TMEM132D: variants seen among roughly 807,000 people sequenced by gnomAD.
TMEM132D encodes mature OL transmembrane protein.
A neutral mutation model predicts 62.3 loss-of-function variants in TMEM132D; 21 were observed. That is an observed-to-expected ratio of 0.34 (90% CI 0.24 to 0.49). The LOEUF (loss-of-function observed/expected upper bound fraction) is 0.49, where lower values mean the gene tolerates loss of function less well. Ranked by LOEUF, TMEM132D falls within the 20% of genes least tolerant of loss-of-function variation. TMEM132D has a pLI of 0.99. For synonymous variants in TMEM132D, 621 were observed against 575.6 expected, an observed-to-expected ratio of 1.08 and a Z score of -1.13; for missense variants, 1,346 against 1,402.8, an observed-to-expected ratio of 0.96 and a Z score of 0.65.
intron 1 of TMEM132D, among the ~76,000 whole-genome samples, chr12:129,797,919 T>C (rs190298016): frequency 6.6e-6 from 1 of 152,332 alleles, no homozygotes; most frequent in Admixed American, 6.5e-5. Context: ...ATCCCAGTGT[T>C]GGAGGTGGGA....
chr12:129,877,004 A>G (rs1368866064), intron 1 of TMEM132D, among the ~76,000 whole-genome samples: 4 of 152,164 alleles, frequency 2.6e-5, no homozygotes, highest in Admixed American at 6.5e-5. Context: ...GCGTGGGAAT[A>G]GATGCAGAGC....
At chr12:129,660,601 A>G (rs1880211392) in intron 2 of TMEM132D, among the ~76,000 whole-genome samples, 1 of 152,188 alleles carries the variant, frequency 6.6e-6, no homozygotes, top group African/African-American at 2.4e-5. Flanking sequence ...AAATGTGTCC[A>G]GGATGGCAGG....
intron 5 of TMEM132D, among the ~76,000 whole-genome samples, chr12:129,152,400 G>A (rs959515557): frequency 2.0e-5 from 3 of 152,142 alleles, no homozygotes; most frequent in African/African-American, 7.2e-5. Context: ...GTCAGGGGAG[G>A]GAAGACAGGA....
chr12:129,244,965 A>C (rs1880055385), intron 4 of TMEM132D, among the ~76,000 whole-genome samples: 1 of 152,142 alleles, frequency 6.6e-6, no homozygotes, highest in South Asian at 2.1e-4. Context: ...GAGGACATTA[A>C]AGCTCACAGA....
chr12:129,795,601 C>A (rs943777221), intron 1 of TMEM132D, among the ~76,000 whole-genome samples: 13 of 152,268 alleles, frequency 8.5e-5, no homozygotes, highest in African/African-American at 2.9e-4. Context: ...ACATATAATG[C>A]CAGCTGCTGG....
intron 4 of TMEM132D, among the ~76,000 whole-genome samples, chr12:129,329,040 A>G (rs941777419): frequency 6.7e-6 from 1 of 149,120 alleles, no homozygotes; most frequent in African/African-American, 2.4e-5. Flanking sequence ...AAGAATATAT[A>G]TATATATAAA....
chr12:129,881,134 G>T (rs1030319587), intron 1 of TMEM132D, among the ~76,000 whole-genome samples: 1 of 151,836 alleles, frequency 6.6e-6, no homozygotes, highest in African/African-American at 2.4e-5. Flanking sequence ...ATTTATAAAG[G>T]AGTTGATACA....
intron 2 of TMEM132D, among the ~76,000 whole-genome samples, chr12:129,691,952 A>T (rs909016140): frequency 6.6e-6 from 1 of 152,080 alleles, no homozygotes; most frequent in African/African-American, 2.4e-5. Context: ...ATTAAAGAAG[A>T]GTAAATTATT....
intron 2 of TMEM132D, among the ~76,000 whole-genome samples, chr12:129,626,241 A>G (rs1879210101): frequency 6.6e-6 from 1 of 152,212 alleles, no homozygotes; most frequent in Non-Finnish European, 1.5e-5. Context: ...ACTATTCTCC[A>G]AACTTATTTA....
At chr12:129,095,692 C>A (rs1023773210) in intron 5 of TMEM132D, among the ~76,000 whole-genome samples, 1 of 151,978 alleles carries the variant, frequency 6.6e-6, no homozygotes, top group Non-Finnish European at 1.5e-5. Context: ...CATCAGGGCA[C>A]ACAGGGTAGA....
intron 1 of TMEM132D, among the ~76,000 whole-genome samples, chr12:129,805,569 G>A (rs1204170962): frequency 1.3e-5 from 2 of 152,016 alleles, no homozygotes; most frequent in Non-Finnish European, 2.9e-5. Context: ...TTACATGTTA[G>A]ACCTAAAACC....
chr12:129,414,481 T>C (rs1395148900), intron 3 of TMEM132D, among the ~76,000 whole-genome samples: 1 of 152,182 alleles, frequency 6.6e-6, no homozygotes, highest in Non-Finnish European at 1.5e-5. Flanking sequence ...AAAAATTGTA[T>C]ATATTTGGGT....
Position 129,766,030 on chromosome 12 carries a change from GAGGCAGA to G in TMEM132D, c.80-65339_80-65333del, listed in dbSNP as rs1870542440. ...TGGACTTGTTCTGGACAATGAGGCG[GAGGCAGA>G]AGTGCCCTGTGTGATTCTGGGTGGA... On this transcript the variant is annotated intron_variant, in intron 1 of 8. Coordinates refer to ENST00000422113, the MANE Select transcript of TMEM132D (RefSeq NM_133448.3). Among the ~76,000 whole-genome samples the G allele has an allele frequency of 2.0e-5, 3 of 152,160 alleles. No homozygotes were observed. In the East Asian group the frequency reaches 5.8e-4, roughly 29 times the overall value.
chr12:129,775,950 C>T (rs1438807488), intron 1 of TMEM132D, among the ~76,000 whole-genome samples: 1 of 151,668 alleles, frequency 6.6e-6, no homozygotes, highest in Non-Finnish European at 1.5e-5. Context: ...TAATCAGTAC[C>T]CCAGGCTATC....
At chr12:129,789,824 A>G (rs917724914) in intron 1 of TMEM132D, among the ~76,000 whole-genome samples, 1 of 152,218 alleles carries the variant, frequency 6.6e-6, no homozygotes, top group African/African-American at 2.4e-5. Flanking sequence ...TCTTTTATCC[A>G]TGAAAATTGC....
intron 3 of TMEM132D, among the ~76,000 whole-genome samples, chr12:129,478,232 G>A (rs1361858190): frequency 6.6e-6 from 1 of 152,212 alleles, no homozygotes; most frequent in Non-Finnish European, 1.5e-5. Flanking sequence ...GTCAGTGAGT[G>A]AGTGGTGAGT....
At position 129,859,532 on chromosome 12, in the gene TMEM132D, G is replaced by C. The variant is rs981721454; in HGVS notation, c.79+43729C>G. The stretch of plus-strand genomic sequence containing the variant: ...CTGGTAAAGTATCATTTCTGGGTGT[G>C]TCTGTGAGGGTGTTGCCAGAGAAGA... On this transcript the variant is annotated intron_variant, in intron 1 of 8. Coordinates refer to ENST00000422113, the MANE Select transcript of TMEM132D (RefSeq NM_133448.3). 6.0e-4 allele frequency among the ~76,000 whole-genome samples: 91 copies of C among 152,150 alleles called. 1 individual carries two copies. Among genetic ancestry groups the C allele is most frequent in the Admixed American group, 5.9e-3 (90 of 15,282 alleles).
In TMEM132D at chr12:129,139,981, G is replaced by A. The variant is rs188858230; in HGVS notation, c.1444-55279C>T. 2.8e-3 allele frequency among the ~76,000 whole-genome samples: 420 copies of A among 152,088 alleles called. 1 individual carries two copies. The highest frequency in any genetic ancestry group is 5.3e-3 in the Non-Finnish European group (360 of 68,006). On this transcript the variant is annotated intron_variant, in intron 5 of 8. Transcript: ENST00000422113. Reference sequence around the variant, plus strand: ...TCCTCCCTCCTCGGCCTCCCAAAGTGTTGGGATTACAGGCATAAACCACCA... The same window carrying A: ...TCCTCCCTCCTCGGCCTCCCAAAGTATTGGGATTACAGGCATAAACCACCA...
intron 5 of TMEM132D, among the ~76,000 whole-genome samples, chr12:129,134,115 G>T (rs1223013091): frequency 5.7e-5 from 2 of 35,010 alleles, no homozygotes; most frequent in African/African-American, 7.7e-5. Context: ...GTGTCTGTGT[G>T]TTGTGTGTGT....
Sources: gnomAD v4.1 joint callset for allele counts (sites outside exome capture counted in the v4.1 genomes callset) on GRCh38, gnomAD v4.1.1 for gene constraint, MANE v1.5 for transcripts, NCBI Gene and HGNC (gene_info 2026-07-23, HGNC 2026-07-21) for gene names.